The following CDH23 variants were observed in gnomAD, a reference collection of about 807,000 sequenced individuals.
CDH23 encodes the protein cadherin-23.
CDH23 carries 189 observed loss-of-function variants against 317.1 expected under a neutral mutation model. The observed-to-expected ratio is 0.60, with a 90% CI of 0.53 to 0.67. The LOEUF (loss-of-function observed/expected upper bound fraction) is 0.67, where lower values mean the gene tolerates loss of function less well. Among genes scored for constraint, CDH23 ranks in the 30% least tolerant of loss-of-function variants. CDH23 has a pLI of 0.00. For missense variants in CDH23, 4,401 were observed against 4,592.4 expected (o/e 0.96, Z 1.20); for synonymous variants, 1,839 against 1,876.8 (o/e 0.98, Z 0.52).
intron 6 of CDH23, among the ~76,000 whole-genome samples, chr10:71,543,585 CA>C (rs1415915467): frequency 3.9e-5 from 6 of 152,260 alleles, no homozygotes; most frequent in Non-Finnish European, 8.8e-5. Context: ...GGAAGTCAAC[CA>C]TTTTTTTTCC....
intron 14 of CDH23, among the ~76,000 whole-genome samples, chr10:71,664,853 T>C (rs1454164486): frequency 6.7e-6 from 1 of 149,298 alleles, no homozygotes; most frequent in African/African-American, 2.5e-5. Flanking sequence ...CTTCTCCTCC[T>C]CCCTTGATCA....
intron 34 of CDH23, among the ~76,000 whole-genome samples, chr10:71,735,617 G>A (rs563709463): frequency 1.7e-4 from 26 of 152,306 alleles, no homozygotes; most frequent in African/African-American, 5.5e-4. Context: ...ACATTGCCAC[G>A]CCCTGCTGAG....
At chr10:71,529,261 A>G (rs1423555048) in intron 6 of CDH23, among the ~76,000 whole-genome samples, 1 of 152,214 alleles carries the variant, frequency 6.6e-6, no homozygotes, top group African/African-American at 2.4e-5. Flanking sequence ...AGCCAGGGCC[A>G]TGGGCCAAGC....
At chr10:71,787,834 T>A (rs139470167) in intron 44 of CDH23, among the ~76,000 whole-genome samples, 33 of 152,358 alleles carry the variant, frequency 2.2e-4, no homozygotes, top group Middle Eastern at 3.4e-3. Context: ...TTGTGAATAG[T>A]GTGGCGATAA....
rs572176102 is a variant in CDH23 at position 71,807,859 on chromosome 10, C to A, written c.8574C>A (p.Asp2858Glu). ...CTCTTCCTGCAGGGGTGGCCACCGA[C>A]GCCAAGGTGGGCTCAGAGTTGATCC... ...KAEYTAGVATDAKVGSELIQV... is the reference protein window; with the variant it reads ...KAEYTAGVATEAKVGSELIQV... The change falls in exon 60 of 70, where the codon GAC becomes GAA. Residue 2858 changes from aspartate (D) to glutamate (E), a missense_variant. Transcript: ENST00000224721. 1.9e-6 allele frequency: 3 copies of A among 1,602,264 alleles called. No homozygotes were observed. In the African/African-American group the frequency reaches 4.0e-5, roughly 21 times the overall value.
chr10:71,414,151 TTCCAA>T (rs1279289612), intron 1 of CDH23, among the ~76,000 whole-genome samples: 1 of 151,846 alleles, frequency 6.6e-6, no homozygotes, highest in African/African-American at 2.4e-5. Context: ...ACTTCTTCCT[TTCCAA>T]TTTGCACACC....
At chr10:71,633,025 A>G (rs7100821) in intron 11 of CDH23, among the ~76,000 whole-genome samples, 119,895 of 151,956 alleles carry the variant, frequency 0.79, 47,602 homozygotes, top group South Asian at 0.88. Context: ...TGATGAGATT[A>G]CTACGTGTGC....
intron 6 of CDH23, among the ~76,000 whole-genome samples, chr10:71,565,447 G>A (rs10823785): frequency 0.51 from 76,793 of 151,896 alleles, 19,958 homozygotes; most frequent in African/African-American, 0.62. Flanking sequence ...GCAGAATCCA[G>A]CTGGAAGCCA....
intron 14 of CDH23, among the ~76,000 whole-genome samples, chr10:71,657,707 C>T (rs1863476640): frequency 6.6e-6 from 1 of 152,100 alleles, no homozygotes; most frequent in Non-Finnish European, 1.5e-5. Flanking sequence ...CAGCACCCCC[C>T]TGCCAGGTAT....
Position 71,444,667 on chromosome 10 carries a change from G to A in CDH23, c.68-1651G>A, listed in dbSNP as rs539067330. ...AGGTGGGGAGGAGGAAAAGAGGCCA[G>A]TCTCCCAGCTCTGCCTGGTCCCAAC... On this transcript the variant is annotated intron_variant, in intron 2 of 69. Coordinates refer to ENST00000224721, the MANE Select transcript of CDH23 (RefSeq NM_022124.6). Among the ~76,000 whole-genome samples the A allele has an allele frequency of 3.9e-5, 6 of 152,338 alleles. No homozygotes were observed. In the South Asian group the frequency reaches 1.2e-3, roughly 32 times the overall value.
At position 71,738,567 on chromosome 10, in the gene CDH23, A is replaced by G; in HGVS notation, c.4279A>G (p.Ser1427Gly). The G allele has an allele frequency of 6.2e-7, 1 of 1,613,948 alleles. No homozygotes were observed. The highest frequency in any genetic ancestry group is 8.5e-7 in the Non-Finnish European group (1 of 1,179,904). Residue 1427 changes from serine to glycine, a missense_variant, in exon 35 of 70, where the codon AGC becomes GGC. This residue lies in a region of CDH23 where 3,068 missense variants were observed against 3,203.3 expected (regional missense o/e 0.96). Transcript: ENST00000224721. ...RFDFTSDSAVSIPEDCPVGQR... is the reference protein window; with the variant it reads ...RFDFTSDSAVGIPEDCPVGQR... ...TGACTTCACCTCCGACTCGGCGGTC[A>G]GCATACCCGAGGACTGCCCTGTGGG...
chr10:71,416,481 G>A (rs1285180564), intron 1 of CDH23, among the ~76,000 whole-genome samples: 1 of 152,120 alleles, frequency 6.6e-6, no homozygotes, highest in African/African-American at 2.4e-5. Flanking sequence ...ACATCCATAA[G>A]ACATTATTTT....
rs376672264 is a variant in CDH23 at position 71,812,904 on chromosome 10, G to A, written c.9633+14G>A. On this transcript the variant is annotated intron_variant, in intron 68 of 69. Transcript: ENST00000224721. ...GGGCCAATCAAGGTGAGCCTTCCCT[G>A]CAGGCTCCGCGCCCAGTCCCTTGGC... 2.4e-4 allele frequency: 394 copies of A among 1,612,056 alleles called. No homozygotes were observed. The highest frequency in any genetic ancestry group is 3.0e-4 in the Non-Finnish European group (357 of 1,179,160).
At chr10:71,587,074 T>C (rs1859123084) in intron 9 of CDH23, among the ~76,000 whole-genome samples, 2 of 152,204 alleles carry the variant, frequency 1.3e-5, no homozygotes, top group Non-Finnish European at 2.9e-5. Context: ...ACCCCCATCA[T>C]AACCCCCAAA....
chr10:71,620,097 T>C (rs770262804), intron 11 of CDH23, among the ~76,000 whole-genome samples: 3 of 152,050 alleles, frequency 2.0e-5, no homozygotes, highest in Non-Finnish European at 4.4e-5. Context: ...CTGAGGAGCA[T>C]GATCTGCAGG....
intron 11 of CDH23, among the ~76,000 whole-genome samples, chr10:71,627,041 C>A (rs1273565782): frequency 6.6e-6 from 1 of 152,044 alleles, no homozygotes; most frequent in Non-Finnish European, 1.5e-5. Context: ...GTGACTCTGA[C>A]CTCGCAGCAA....
At position 71,709,281 on chromosome 10, in the gene CDH23, C is replaced by T. The variant is rs1865892868; in HGVS notation, c.3220+70C>T. On this transcript the variant is annotated intron_variant, in intron 27 of 69. Transcript: ENST00000224721. The stretch of plus-strand genomic sequence containing the variant: ...GTTCACACAGGGTGCCTCCCAGGAG[C>T]TGGCCTTTTGCTAAAGGCTGAACTC... 2.8e-6 allele frequency: 4 copies of T among 1,416,002 alleles called. No homozygotes were observed. In the African/African-American group the frequency reaches 4.2e-5, roughly 15 times the overall value. The allele number at this position is 1,416,002 out of a possible 1,614,324, so 87.7% of individuals were successfully genotyped here.
At chr10:71,697,663 C>A (rs908055281) in intron 22 of CDH23, among the ~76,000 whole-genome samples, 3 of 151,826 alleles carry the variant, frequency 2.0e-5, no homozygotes, top group Non-Finnish European at 2.9e-5. Context: ...CAGAGTGAGA[C>A]CCTGTCTCAA....
At chr10:71,535,411 C>T (rs924255905) in intron 6 of CDH23, among the ~76,000 whole-genome samples, 21 of 152,176 alleles carry the variant, frequency 1.4e-4, no homozygotes, top group African/African-American at 4.3e-4. Context: ...ATGAGCACCA[C>T]GAGTCAGCAC....
Sources: gnomAD v4.1 joint callset for allele counts (sites outside exome capture counted in the v4.1 genomes callset) on GRCh38, gnomAD v4.1.1 for gene constraint, gnomAD v4.1.1 regional missense constraint, MANE v1.5 for transcripts, NCBI Gene and HGNC (gene_info 2026-07-23, HGNC 2026-07-21) for gene names.